KIAA1549L: variants seen among roughly 807,000 people sequenced by gnomAD.
KIAA1549L encodes the protein KIAA1549 like.
Under a neutral mutation model 160.7 loss-of-function variants are expected in KIAA1549L, and 88 were observed. The ratio of observed to expected loss-of-function variants is 0.55; its 90% CI spans 0.46 to 0.65. The LOEUF (loss-of-function observed/expected upper bound fraction) is 0.65, where lower values mean the gene tolerates loss of function less well. Ranked by LOEUF, KIAA1549L falls within the 30% of genes least tolerant of loss-of-function variation. The pLI is 0.00. For missense variants in KIAA1549L, 2,258 were observed against 2,437.5 expected (o/e 0.93, Z 1.55); for synonymous variants, 950 against 976.7 (o/e 0.97, Z 0.51).
At chr11:33,377,063 G>A (rs1849969680) in intron 1 of KIAA1549L, among the ~76,000 whole-genome samples, 174 bp downstream of exon 1, 1 of 151,982 alleles carries the variant, frequency 6.6e-6, no homozygotes. Context: ...CTTTGGGCGG[G>A]GAAGAAAAAA....
At chr11:33,437,774 C>T (rs1436094475) in intron 1 of KIAA1549L, among the ~76,000 whole-genome samples, 1 of 152,184 alleles carries the variant, frequency 6.6e-6, no homozygotes, top group Non-Finnish European at 1.5e-5. Context: ...AGTGACCTGA[C>T]CTGACTATTT....
intron 1 of KIAA1549L, among the ~76,000 whole-genome samples, chr11:33,428,979 T>G (rs1206826508): frequency 6.6e-6 from 1 of 152,198 alleles, no homozygotes; most frequent in Non-Finnish European, 1.5e-5. Context: ...TCGTTTTGTT[T>G]TTTGTTTTTG....
At chr11:33,437,738 C>T (rs1174849646) in intron 1 of KIAA1549L, among the ~76,000 whole-genome samples, 22 of 152,176 alleles carry the variant, frequency 1.4e-4, no homozygotes, top group Admixed American at 1.4e-3. Context: ...CCTGGCTGCT[C>T]TTTCCTACCC....
At chr11:33,434,840 G>A (rs894047181) in intron 1 of KIAA1549L, among the ~76,000 whole-genome samples, 1 of 152,178 alleles carries the variant, frequency 6.6e-6, no homozygotes, top group East Asian at 1.9e-4. Context: ...TTTTACTGAG[G>A]TAGAAGTTCC....
intron 20 of KIAA1549L, among the ~76,000 whole-genome samples, chr11:33,663,028 G>A (rs889248196): frequency 3.3e-5 from 5 of 152,158 alleles, no homozygotes; most frequent in Non-Finnish European, 5.9e-5. Flanking sequence ...GCAGGGAGGC[G>A]TGCCCATGAA....
chr11:33,489,175 A>C (rs1168180267), intron 1 of KIAA1549L, among the ~76,000 whole-genome samples: 1 of 152,132 alleles, frequency 6.6e-6, no homozygotes, highest in Admixed American at 6.5e-5. Flanking sequence ...AAACAACAGG[A>C]ATTTATTACT....
At chr11:33,617,604 C>T (rs1417804730) in intron 15 of KIAA1549L, among the ~76,000 whole-genome samples, 1 of 152,194 alleles carries the variant, frequency 6.6e-6, no homozygotes, top group Non-Finnish European at 1.5e-5. Context: ...CCATCCTAGT[C>T]CCCGTTTGTC....
At chr11:33,525,065 C>G (rs1053623650) in intron 1 of KIAA1549L, among the ~76,000 whole-genome samples, 3 of 152,266 alleles carry the variant, frequency 2.0e-5, no homozygotes, top group African/African-American at 7.2e-5. Context: ...AGATAGGAGA[C>G]AGGACTAACA....
intron 1 of KIAA1549L, among the ~76,000 whole-genome samples, chr11:33,488,354 A>G (rs1852578007): frequency 6.6e-6 from 1 of 152,228 alleles, no homozygotes; most frequent in Non-Finnish European, 1.5e-5. Flanking sequence ...TTAAAGGATG[A>G]CAAAAGGACT....
At chr11:33,395,936 G>A (rs573030697) in intron 1 of KIAA1549L, among the ~76,000 whole-genome samples, 2 of 152,102 alleles carry the variant, frequency 1.3e-5, no homozygotes, top group African/African-American at 2.4e-5. Context: ...TGGTACATGC[G>A]AAGTGTAATT....
intron 1 of KIAA1549L, among the ~76,000 whole-genome samples, chr11:33,385,483 G>A (rs1373184867): frequency 1.3e-5 from 2 of 152,208 alleles, no homozygotes; most frequent in Non-Finnish European, 2.9e-5. Context: ...AACCAAAAAT[G>A]TTTCCAGACA....
chr11:33,537,935 T>C (rs1565173669), intron 1 of KIAA1549L, among the ~76,000 whole-genome samples: 2 of 152,226 alleles, frequency 1.3e-5, no homozygotes, highest in Non-Finnish European at 2.9e-5. Flanking sequence ...ATAAAGTTGA[T>C]ACTTTGGAAT....
intron 9 of KIAA1549L, among the ~76,000 whole-genome samples, chr11:33,569,117 G>T (rs934055489): frequency 6.6e-5 from 10 of 152,080 alleles, no homozygotes; most frequent in Admixed American, 5.9e-4. Context: ...AACTAGAAGC[G>T]CTCAGCTCTT....
chr11:33,559,387 G>C (rs1854760959), intron 6 of KIAA1549L, among the ~76,000 whole-genome samples: 1 of 152,152 alleles, frequency 6.6e-6, no homozygotes, highest in African/African-American at 2.4e-5. Context: ...TAAGAACCTG[G>C]AGTCAAATCA....
intron 1 of KIAA1549L, among the ~76,000 whole-genome samples, chr11:33,463,240 G>A (rs1346968323): frequency 2.6e-5 from 4 of 152,142 alleles, no homozygotes; most frequent in Admixed American, 2.6e-4. Flanking sequence ...TAGCACGTGA[G>A]TGTCCTTGCC....
chr11:33,542,603 C>T lies in KIAA1549L; in HGVS notation c.1040C>T (p.Pro347Leu), dbSNP rs1854059429. ...TCATCCACACCTGGGTTTTTGAGCCCCATGGCAGAACTGTCCCATCCGTCT... is the reference window on the plus strand; with the variant it reads ...TCATCCACACCTGGGTTTTTGAGCCTCATGGCAGAACTGTCCCATCCGTCT... ...AGSSTPGFLS[P>L]MAELSHPSPP... is the part of the protein sequence containing the mutation. The change falls in exon 2 of 21, where the codon CCC becomes CTC. Residue 347 changes from proline to leucine, a missense_variant. Physicochemically the swap from Pro to Leu is moderately conservative, Grantham distance 98. Coordinates refer to ENST00000658780, the MANE Select transcript of KIAA1549L (RefSeq NM_012194.3). 1.2e-6 allele frequency: 2 copies of T among 1,613,982 alleles called. No homozygotes were observed. The highest frequency in any genetic ancestry group is 1.3e-5 in the African/African-American group (1 of 75,036).
At chr11:33,579,696 C>G (rs1797807324) in intron 10 of KIAA1549L, among the ~76,000 whole-genome samples, 1 of 152,060 alleles carries the variant, frequency 6.6e-6, no homozygotes, top group African/African-American at 2.4e-5. Context: ...CAAGGTAACG[C>G]TATAGACTTG....
intron 12 of KIAA1549L, among the ~76,000 whole-genome samples, chr11:33,591,940 TTGGTGCCTGCAC>T (rs1171303754): frequency 5.3e-5 from 8 of 152,170 alleles, no homozygotes; most frequent in Admixed American, 2.6e-4. Context: ...GGATGAGGTA[TTGGTGCCTGCAC>T]TGGAGACTGC....
intron 18 of KIAA1549L, among the ~76,000 whole-genome samples, chr11:33,658,110 CTCT>C (rs768586042): frequency 5.9e-5 from 9 of 152,228 alleles, no homozygotes; most frequent in East Asian, 5.8e-4. Flanking sequence ...CTAGGCTGCC[CTCT>C]TCTTACACGG....
Sources: allele counts gnomAD v4.1 joint callset (sites outside exome capture counted in the v4.1 genomes callset), GRCh38; gene constraint gnomAD v4.1.1; transcripts MANE v1.5; gene names NCBI Gene and HGNC (gene_info 2026-07-23, HGNC 2026-07-21).